KIF9: variants seen among roughly 807,000 people sequenced by gnomAD.
The protein encoded by KIF9 is kinesin-like protein KIF9.
Under a neutral mutation model 94.8 loss-of-function variants are expected in KIF9, and 68 were observed. The ratio of observed to expected loss-of-function variants is 0.72; its 90% confidence interval spans 0.59 to 0.88. The LOEUF is 0.88. Ranked by LOEUF, KIF9 falls within the 40% of genes least tolerant of loss-of-function variation. The pLI is 0.00. For missense variants in KIF9, 882 were observed against 982.5 expected, an observed-to-expected ratio of 0.90 and a Z score of 1.37; for synonymous variants, 343 against 362.1, an observed-to-expected ratio of 0.95 and a Z score of 0.60.
At chr3:47,273,978 C>CT (rs1701806576) in intron 3 of KIF9, among the ~76,000 whole-genome samples, 1 of 152,100 alleles carries the variant, frequency 6.6e-6, no homozygotes. Flanking sequence ...GGAACTTTTC[C>CT]TAAAAAGATG....
At chr3:47,279,546 C>T (rs1702190850) in intron 1 of KIF9, among the ~76,000 whole-genome samples, 1 of 151,186 alleles carries the variant, frequency 6.6e-6, no homozygotes, top group Non-Finnish European at 1.5e-5. Context: ...TCATGTATAA[C>T]AGGGACTACT....
chr3:47,264,130 C>T, intron 9 of KIF9, 156 bp downstream of exon 9: 1 of 637,078 alleles, frequency 1.6e-6, no homozygotes, highest in Non-Finnish European at 2.9e-6. Flanking sequence ...AGCTCTGGGC[C>T]CCCTCAGCAA....
At chr3:47,279,513 A>C (rs1380989026) in intron 1 of KIF9, among the ~76,000 whole-genome samples, 1 of 152,048 alleles carries the variant, frequency 6.6e-6, no homozygotes, top group Non-Finnish European at 1.5e-5. Flanking sequence ...AGTAACTTTT[A>C]AGATGTTAAC....
chr3:47,268,155 G>A (rs560978756), intron 5 of KIF9, among the ~76,000 whole-genome samples: 2 of 152,292 alleles, frequency 1.3e-5, no homozygotes, highest in East Asian at 1.9e-4. Context: ...ACAGGCATGA[G>A]CCACTGTGCC....
intron 5 of KIF9, among the ~76,000 whole-genome samples, chr3:47,270,988 A>AAG (rs1553623918): frequency 1.3e-5 from 2 of 151,334 alleles, no homozygotes; most frequent in Non-Finnish European, 2.9e-5. Context: ...AAAAAAAAAA[A>AAG]AAAAAATTAA....
At chr3:47,267,872 C>CTT (rs1210887622) in intron 5 of KIF9, among the ~76,000 whole-genome samples, 17 of 125,764 alleles carry the variant, frequency 1.4e-4, no homozygotes, top group Non-Finnish European at 1.7e-4. Context: ...TTGTGTTCTC[C>CTT]TTTTTTTTTT....
At chr3:47,269,815 C>T (rs1207510222) in intron 5 of KIF9, among the ~76,000 whole-genome samples, 1 of 122,394 alleles carries the variant, frequency 8.2e-6, no homozygotes, top group Non-Finnish European at 1.6e-5. Flanking sequence ...CTCCCTCTGT[C>T]GCCAGGCTGG....
intron 10 of KIF9, among the ~76,000 whole-genome samples, chr3:47,249,003 T>C (rs1311944854): frequency 6.6e-6 from 1 of 151,694 alleles, no homozygotes; most frequent in African/African-American, 2.4e-5. Flanking sequence ...CCCAAAGGGC[T>C]GGGATTACAG....
chr3:47,257,515 C>T lies in KIF9; in HGVS notation c.1027G>A (p.Glu343Lys). 2 of 1,614,046 alleles carry T rather than the reference C, an allele frequency of 1.2e-6. No homozygotes were observed. The highest frequency in any genetic ancestry group is 1.7e-6 in the Non-Finnish European group (2 of 1,180,020). Residue 343 changes from glutamate to lysine, a missense_variant, in exon 10 of 21, where the codon GAG (glutamate) becomes AAG (lysine). Physicochemically the swap from Glu to Lys is moderately conservative, Grantham distance 56. Coordinates refer to ENST00000684063, the MANE Select transcript of KIF9 (RefSeq NM_182902.4). ...TCATACTTTTCATTGATGGCAGGCTCAGTGGTGACTAGCTTCATCCTGCTG... is the reference window on the plus strand; with the variant it reads ...TCATACTTTTCATTGATGGCAGGCTTAGTGGTGACTAGCTTCATCCTGCTG... ...FASRMKLVTT[E>K]PAINEKYDAE...
chr3:47,275,435 T>C lies in KIF9; in HGVS notation c.149A>G (p.Gln50Arg), dbSNP rs148184082. Reference sequence around the variant, plus strand: ...ATCCAACTTAAACGACCAGTCTGTCTGTTGGTTATTGACAACTCCTCTCCG... The same window carrying C: ...ATCCAACTTAAACGACCAGTCTGTCCGTTGGTTATTGACAACTCCTCTCCG... ...DIRRGVVNNQ[Q>R]TDWSFKLDGV... The change falls in exon 3 of 21, where the codon CAG (glutamine) becomes CGG (arginine). Residue 50 changes from glutamine to arginine, a missense_variant. Gln to Arg is a conservative substitution (Grantham distance 43). Coordinates refer to ENST00000684063, the MANE Select transcript of KIF9 (RefSeq NM_182902.4). The C allele has an allele frequency of 1.4e-5, 23 of 1,613,348 alleles. No individual in the cohort carries two copies. In the African/African-American group the frequency reaches 2.8e-4, roughly 20 times the overall value.
rs1476757320 is a variant in KIF9, at chr3:47,277,364, C to T, written c.11G>A (p.Arg4Lys). MGT[R>K]KKVHAFVRVK... Reference sequence around the variant, plus strand: ...ACGGACAAATGCATGAACTTTTTTCCTAGTACCCATTCTAGCTAAAAAGAA... The same window carrying T: ...ACGGACAAATGCATGAACTTTTTTCTTAGTACCCATTCTAGCTAAAAAGAA... The change falls in exon 2 of 21, where the codon AGG becomes AAG. Residue 4 changes from arginine to lysine, a missense_variant. Arg to Lys is a conservative substitution (Grantham distance 26). Transcript: ENST00000684063. 5 of 1,613,026 alleles carry T rather than the reference C, an allele frequency of 3.1e-6. No individual in the cohort carries two copies. In the African/African-American group the frequency reaches 6.7e-5, roughly 22 times the overall value.
intron 10 of KIF9, chr3:47,250,641 T>A (rs1700214242): frequency 2.4e-6 from 1 of 413,574 alleles, no homozygotes; most frequent in Non-Finnish European, 5.1e-6. Flanking sequence ...AATGACACAT[T>A]TTGAGGAGAA....
At chr3:47,269,270 T>A (rs1701487300) in intron 5 of KIF9, among the ~76,000 whole-genome samples, 1 of 152,188 alleles carries the variant, frequency 6.6e-6, no homozygotes, top group African/African-American at 2.4e-5. Flanking sequence ...AAGAATAACA[T>A]ACACTTGACT....
chr3:47,273,727 C>G, intron 3 of KIF9, 69 bp from the exon 4 acceptor site: 2 of 1,383,586 alleles, frequency 1.4e-6, no homozygotes, highest in African/African-American at 2.8e-5. Flanking sequence ...CCTCTCCCAG[C>G]ATGCCTGGTG....
intron 3 of KIF9, among the ~76,000 whole-genome samples, chr3:47,274,959 T>A (rs936072930): frequency 6.6e-6 from 1 of 152,226 alleles, no homozygotes; most frequent in Non-Finnish European, 1.5e-5. Context: ...ATTGTGTTGG[T>A]AGAATACATG....
At chr3:47,272,453 G>A (rs961031886) in intron 4 of KIF9, among the ~76,000 whole-genome samples, 1 of 151,984 alleles carries the variant, frequency 6.6e-6, no homozygotes, top group African/African-American at 2.4e-5. Context: ...GAACAACTTG[G>A]GTATGTAAAT....
intron 10 of KIF9, among the ~76,000 whole-genome samples, chr3:47,256,437 T>C (rs1700603097): frequency 6.8e-6 from 1 of 147,650 alleles, no homozygotes; most frequent in Admixed American, 6.7e-5. Context: ...GTGAGGAGCA[T>C]CTCCGCCCGG....
At chr3:47,247,268 C>A in intron 12 of KIF9, 105 bp downstream of exon 12, 1 of 742,002 alleles carries the variant, frequency 1.3e-6, no homozygotes. Flanking sequence ...ACCCACTGCA[C>A]CCATTCACAT....
In KIF9 at chr3:47,267,273, A is replaced by G; in HGVS notation, c.592-10T>C. ...TCCTGTTGGTCTCACCCTGAAGAGGAAGGGAATCATAGGCAACATTTCGAA... is the reference window on the plus strand; with the variant it reads ...TCCTGTTGGTCTCACCCTGAAGAGGGAGGGAATCATAGGCAACATTTCGAA... On this transcript the variant is annotated splice_polypyrimidine_tract_variant and intron_variant, in intron 5 of 20. Coordinates refer to ENST00000684063, the MANE Select transcript of KIF9 (RefSeq NM_182902.4). 6.2e-7 allele frequency: 1 copy of G among 1,601,898 alleles called. No individual in the cohort carries two copies. Among genetic ancestry groups the G allele is most frequent in the Non-Finnish European group, 8.6e-7 (1 of 1,168,964 alleles).
Sources: gnomAD v4.1 joint callset for allele counts (sites outside exome capture counted in the v4.1 genomes callset) on GRCh38, gnomAD v4.1.1 for gene constraint, MANE v1.5 for transcripts, NCBI Gene and HGNC (gene_info 2026-07-23, HGNC 2026-07-21) for gene names.